Variants in ZNF521 observed in about 807,000 individuals in gnomAD.
ZNF521 encodes the protein LYST-interacting protein 3.
ZNF521 carries 14 observed loss-of-function variants against 105.5 expected under a neutral mutation model. That is an observed-to-expected ratio of 0.13 (90% CI 0.09 to 0.21). ZNF521 has a LOEUF of 0.21. ZNF521 is among the 10% of genes least tolerant of loss of function. The pLI is 1.00. For missense variants in ZNF521, 1,233 were observed against 1,629.7 expected, an observed-to-expected ratio of 0.76 and a Z score of 4.19; for synonymous variants, 635 against 606.0, an observed-to-expected ratio of 1.05 and a Z score of -0.70.
intron 3 of ZNF521, among the ~76,000 whole-genome samples, chr18:25,311,383 T>TAAAA (rs34665703): frequency 7.3e-6 from 1 of 137,522 alleles, no homozygotes; most frequent in African/African-American, 2.7e-5. Flanking sequence ...AGCAAAAATG[T>TAAAA]AAAAAAAAAA....
At chr18:25,309,954 A>G (rs1391916950) in intron 3 of ZNF521, among the ~76,000 whole-genome samples, 3 of 152,228 alleles carry the variant, frequency 2.0e-5, no homozygotes, top group Non-Finnish European at 4.4e-5. Flanking sequence ...AATTTTTTTA[A>G]CAATGACAAT....
intron 4 of ZNF521, among the ~76,000 whole-genome samples, chr18:25,221,360 T>C (rs1289334957): frequency 6.6e-6 from 1 of 152,186 alleles, no homozygotes; most frequent in Non-Finnish European, 1.5e-5. Context: ...TATATTTAAG[T>C]TTAAATCCCT....
chr18:25,188,844 G>C (rs1235353803), intron 5 of ZNF521, among the ~76,000 whole-genome samples: 2 of 152,170 alleles, frequency 1.3e-5, no homozygotes, highest in Admixed American at 6.5e-5. Context: ...GGGGCAGTGT[G>C]TTCTAAAGAG....
At chr18:25,168,331 G>A (rs78092980) in intron 5 of ZNF521, among the ~76,000 whole-genome samples, 1,605 of 152,202 alleles carry the variant, frequency 0.011, 20 homozygotes, top group African/African-American at 0.036. Context: ...GGTTCCCTTC[G>A]GAAACTGTTG....
At chr18:25,181,855 G>A (rs2144593226) in intron 5 of ZNF521, among the ~76,000 whole-genome samples, 1 of 152,226 alleles carries the variant, frequency 6.6e-6, no homozygotes, top group Middle Eastern at 3.4e-3. Flanking sequence ...GCTATAATGT[G>A]GAGCCCCAGT....
chr18:25,345,231 C>G (rs760755723), intron 2 of ZNF521: 1 of 152,028 alleles, frequency 6.6e-6, no homozygotes, highest in Non-Finnish European at 1.5e-5. Context: ...TAAGCAAGTA[C>G]AAAGAACTAA....
chr18:25,206,283 C>T (rs2036078843), intron 4 of ZNF521, among the ~76,000 whole-genome samples: 2 of 152,116 alleles, frequency 1.3e-5, no homozygotes, highest in South Asian at 2.1e-4. Flanking sequence ...GCTGGGATTA[C>T]AGGTGTAAGC....
chr18:25,161,204 G>A (rs1022077933), intron 5 of ZNF521, among the ~76,000 whole-genome samples: 32 of 152,136 alleles, frequency 2.1e-4, no homozygotes, highest in Non-Finnish European at 1.0e-4. Context: ...CTGATGGAAG[G>A]CAGGCTCACT....
intron 3 of ZNF521, among the ~76,000 whole-genome samples, chr18:25,252,097 T>A (rs1358388406): frequency 6.6e-6 from 1 of 152,212 alleles, no homozygotes; most frequent in East Asian, 1.9e-4. Flanking sequence ...TAGCAATGTA[T>A]GTGGCTAATA....
At chr18:25,174,751 A>T (rs1201931356) in intron 5 of ZNF521, among the ~76,000 whole-genome samples, 1 of 152,160 alleles carries the variant, frequency 6.6e-6, no homozygotes, top group African/African-American at 2.4e-5. Flanking sequence ...TATAAACAAC[A>T]TCTTTCACTG....
At chr18:25,159,562 C>T (rs561193698) in intron 5 of ZNF521, among the ~76,000 whole-genome samples, 6 of 152,098 alleles carry the variant, frequency 3.9e-5, no homozygotes, top group South Asian at 4.2e-4. Flanking sequence ...GACTAAATAA[C>T]GATCACATCT....
intron 3 of ZNF521, among the ~76,000 whole-genome samples, chr18:25,236,306 C>T (rs550879137): frequency 6.2e-4 from 95 of 152,256 alleles, no homozygotes; most frequent in Non-Finnish European, 1.0e-3. Context: ...GAGGCTGAGG[C>T]GGGCAGACTG....
In ZNF521 at chr18:25,089,576, A is replaced by T. The variant is rs148608760; in HGVS notation, c.3795T>A (p.Phe1265Leu). The change falls in exon 7 of 8, where the codon TTT (phenylalanine) becomes TTA (leucine). Residue 1265 changes from phenylalanine (F) to leucine (L), a missense_variant. Physicochemically the swap from Phe to Leu is conservative, Grantham distance 22 (BLOSUM62 0). Coordinates refer to ENST00000361524, the MANE Select transcript of ZNF521 (RefSeq NM_015461.3). ...GCTGCTGCAACTTGTTTGCTTGAAC[A>T]AATACTGAAATGATAAAAGAATGAT... ...TFKCPVCFTV[F>L]VQANKLQQHI... is the part of the protein sequence containing the mutation. 356 of 1,611,850 alleles carry T rather than the reference A, an allele frequency of 2.2e-4. No homozygotes were observed. Among genetic ancestry groups the T allele is most frequent in the Non-Finnish European group, 2.9e-4 (344 of 1,178,020 alleles).
At chr18:25,278,423 C>A (rs1910169638) in intron 3 of ZNF521, among the ~76,000 whole-genome samples, 1 of 152,182 alleles carries the variant, frequency 6.6e-6, no homozygotes, top group African/African-American at 2.4e-5. Context: ...CCATTTGAAG[C>A]GATCTGTGCT....
intron 3 of ZNF521, among the ~76,000 whole-genome samples, chr18:25,297,628 T>C (rs1911399133): frequency 6.6e-6 from 1 of 152,146 alleles, no homozygotes; most frequent in African/African-American, 2.4e-5. Flanking sequence ...AGAAAATGAA[T>C]GAATGATGGC....
intron 7 of ZNF521, among the ~76,000 whole-genome samples, chr18:25,085,442 G>A (rs938890426): frequency 2.0e-5 from 3 of 151,910 alleles, no homozygotes; most frequent in Non-Finnish European, 4.4e-5. Flanking sequence ...TAAAGGACTT[G>A]TGGTTTGTGA....
chr18:25,316,456 C>A (rs910012930), intron 3 of ZNF521, among the ~76,000 whole-genome samples: 17 of 150,736 alleles, frequency 1.1e-4, no homozygotes, highest in South Asian at 4.2e-4. Flanking sequence ...GGTGGGGAAG[C>A]AGCAAGAAGA....
intron 3 of ZNF521, among the ~76,000 whole-genome samples, chr18:25,234,953 ATTC>A (rs1449178169): frequency 6.6e-6 from 1 of 152,186 alleles, no homozygotes; most frequent in Non-Finnish European, 1.5e-5. Flanking sequence ...CAATATTATT[ATTC>A]TTGTTAAATA....
intron 7 of ZNF521, among the ~76,000 whole-genome samples, chr18:25,077,490 C>G (rs975686271): frequency 6.6e-6 from 1 of 151,856 alleles, no homozygotes; most frequent in African/African-American, 2.4e-5. Flanking sequence ...GCGTGCCCCC[C>G]ACATAGCAGC....
Sources: allele counts gnomAD v4.1 joint callset (sites outside exome capture counted in the v4.1 genomes callset), GRCh38; gene constraint gnomAD v4.1.1; transcripts MANE v1.5; gene names NCBI Gene and HGNC (gene_info 2026-07-23, HGNC 2026-07-21).